ST8SIA6: variants seen among roughly 807,000 people sequenced by gnomAD.
ST8SIA6 encodes the protein alpha-2,8-sialyltransferase 8F.
A neutral mutation model predicts 33.6 loss-of-function variants in ST8SIA6; 39 were observed. The observed-to-expected ratio is 1.16, with a 90% CI of 0.90 to 1.52. The LOEUF (loss-of-function observed/expected upper bound fraction) is 1.52. ST8SIA6 is among the 40% of genes most tolerant of loss of function. The pLI, the probability that ST8SIA6 is intolerant of heterozygous loss-of-function variation, is 0.00. For missense variants in ST8SIA6, 441 were observed against 443.8 expected, an observed-to-expected ratio of 0.99 and a Z score of 0.06; for synonymous variants, 172 against 167.2, an observed-to-expected ratio of 1.03 and a Z score of -0.22.
intron 2 of ST8SIA6, among the ~76,000 whole-genome samples, chr10:17,429,296 C>G (rs533896887): frequency 6.6e-6 from 1 of 152,158 alleles, no homozygotes; most frequent in African/African-American, 2.4e-5. Flanking sequence ...AGTACTTTTT[C>G]TACCTTTTAT....
intron 2 of ST8SIA6, among the ~76,000 whole-genome samples, chr10:17,412,297 C>A (rs994363450): frequency 6.6e-6 from 1 of 152,158 alleles, no homozygotes; most frequent in African/African-American, 2.4e-5. Flanking sequence ...CACATCCTAT[C>A]CCATTGACTA....
rs1002599849 is a variant in ST8SIA6 at position 17,433,794 on chromosome 10, T to G, written c.200+19765A>C. On this transcript the variant is annotated intron_variant, in intron 2 of 7. Transcript: ENST00000377602. ...CAGTAGAGTCTCAAAACCTGTGAGA[T>G]AATGCCTGAATTATTTAGCAAGGAG... Among the ~76,000 whole-genome samples, 6 of 152,200 alleles carry G rather than the reference T, an allele frequency of 3.9e-5. No individual in the cohort carries two copies. In the South Asian group the frequency reaches 8.3e-4, roughly 21 times the overall value.
At chr10:17,438,228 G>A (rs747467532) in intron 2 of ST8SIA6, among the ~76,000 whole-genome samples, 15 of 152,206 alleles carry the variant, frequency 9.9e-5, no homozygotes, top group Non-Finnish European at 1.8e-4. Context: ...TTCCCCACTG[G>A]AGAAGAGTTA....
intron 2 of ST8SIA6, among the ~76,000 whole-genome samples, chr10:17,396,930 C>T (rs1329341174): frequency 1.3e-5 from 2 of 152,228 alleles, no homozygotes; most frequent in Non-Finnish European, 2.9e-5. Flanking sequence ...TCACTTAGTA[C>T]CTGGCTTCCA....
chr10:17,448,899 C>A (rs1462133059), intron 2 of ST8SIA6, among the ~76,000 whole-genome samples: 1 of 150,170 alleles, frequency 6.7e-6, no homozygotes, highest in Non-Finnish European at 1.5e-5. Context: ...GGATTACAGG[C>A]GTGAGCCATT....
intron 4 of ST8SIA6, among the ~76,000 whole-genome samples, chr10:17,343,776 A>G (rs947729063): frequency 1.3e-5 from 2 of 152,210 alleles, no homozygotes; most frequent in African/African-American, 4.8e-5. Context: ...AGAACGTTCT[A>G]CAGAAAGTGC....
intron 4 of ST8SIA6, among the ~76,000 whole-genome samples, chr10:17,355,052 C>T (rs993897730): frequency 9.2e-5 from 14 of 152,158 alleles, no homozygotes; most frequent in East Asian, 3.8e-4. Context: ...CAAACCCCCT[C>T]GTAGCACAAC....
Position 17,318,376 on chromosome 10 carries a change from C to A in ST8SIA6, c.*2502G>T. On this transcript the variant is annotated 3_prime_UTR_variant, in exon 8 of 8. Coordinates refer to ENST00000377602, the MANE Select transcript of ST8SIA6 (RefSeq NM_001004470.3). The stretch of plus-strand genomic sequence containing the variant: ...GACCACAGGTGCACGCCACTATGCT[C>A]AGCTAATTTTTTTGTTTTTTGTAGA... 3.5e-6 allele frequency: 1 copy of A among 282,544 alleles called. No homozygotes were observed. The highest frequency in any genetic ancestry group is 3.7e-5 in the South Asian group (1 of 26,990). The allele number at this position is 282,544 out of a possible 1,614,324, so 17.5% of individuals were successfully genotyped here. A position where few individuals can be genotyped will look rare whatever the true frequency, so the allele number is the denominator to read the frequency against.
At chr10:17,417,813 GT>G (rs917786059) in intron 2 of ST8SIA6, among the ~76,000 whole-genome samples, 2 of 152,218 alleles carry the variant, frequency 1.3e-5, no homozygotes, top group Non-Finnish European at 2.9e-5. Context: ...GAGTTAGAGA[GT>G]TGACAGGGAA....
At chr10:17,411,190 G>T (rs888730897) in intron 2 of ST8SIA6, among the ~76,000 whole-genome samples, 3 of 151,974 alleles carry the variant, frequency 2.0e-5, no homozygotes, top group Admixed American at 6.6e-5. Flanking sequence ...GTGTGTGTGT[G>T]TGTGTCTGTG....
intron 3 of ST8SIA6, 34 bp from the exon 4 acceptor site, chr10:17,359,634 A>G (rs747839309): frequency 7.5e-7 from 1 of 1,334,878 alleles, no homozygotes; most frequent in Non-Finnish European, 1.1e-6. Context: ...TTAGAAAATA[A>G]TGATCTCATA....
intron 2 of ST8SIA6, among the ~76,000 whole-genome samples, chr10:17,439,790 G>A (rs911974270): frequency 5.3e-5 from 8 of 152,182 alleles, no homozygotes; most frequent in African/African-American, 1.7e-4. Flanking sequence ...GTGAAGAAGA[G>A]GAATCACTAC....
chr10:17,387,447 CGGGG>C (rs34921425), intron 3 of ST8SIA6, among the ~76,000 whole-genome samples: 2 of 52,484 alleles, frequency 3.8e-5, no homozygotes, highest in Non-Finnish European at 6.7e-5. Context: ...GGCGGTGGGG[CGGGG>C]GGGGGGGGGT....
chr10:17,368,997 C>G lies in ST8SIA6; in HGVS notation c.291-9397G>C, dbSNP rs1020886161. On this transcript the variant is annotated intron_variant, in intron 3 of 7. Coordinates refer to ENST00000377602, the MANE Select transcript of ST8SIA6 (RefSeq NM_001004470.3). Reference sequence around the variant, plus strand: ...GATAGGCTTGTTAAGAATGCAGTATCTCAGGCCCCATCCCTGACTCACAAA... The same window carrying G: ...GATAGGCTTGTTAAGAATGCAGTATGTCAGGCCCCATCCCTGACTCACAAA... Among the ~76,000 whole-genome samples the G allele has an allele frequency of 3.9e-5, 6 of 152,294 alleles. No homozygotes were observed. The East Asian group carries it at 1.2e-3, about 29-fold the overall frequency.
chr10:17,410,796 G>A (rs1851422797), intron 2 of ST8SIA6, among the ~76,000 whole-genome samples: 1 of 152,114 alleles, frequency 6.6e-6, no homozygotes, highest in African/African-American at 2.4e-5. Flanking sequence ...CTAATTATAA[G>A]ATTTAATTAA....
intron 3 of ST8SIA6, among the ~76,000 whole-genome samples, chr10:17,365,532 C>T (rs1397691820): frequency 3.3e-5 from 5 of 152,108 alleles, no homozygotes. Flanking sequence ...TCACATCATC[C>T]TGCTCCATCC....
chr10:17,427,591 G>A (rs777178388), intron 2 of ST8SIA6, among the ~76,000 whole-genome samples: 2 of 152,238 alleles, frequency 1.3e-5, no homozygotes, highest in Non-Finnish European at 2.9e-5. Context: ...AGGAGAAGGT[G>A]ATGGGATTTC....
rs914894666 is a variant in ST8SIA6 at position 17,382,597 on chromosome 10, T to C, written c.290+7934A>G. Among the ~76,000 whole-genome samples, 9 of 152,294 alleles carry C rather than the reference T, an allele frequency of 5.9e-5. No individual in the cohort carries two copies. The East Asian group carries it at 1.2e-3, about 20-fold the overall frequency. On this transcript the variant is annotated intron_variant, in intron 3 of 7. Coordinates refer to ENST00000377602, the MANE Select transcript of ST8SIA6 (RefSeq NM_001004470.3). ...TATGCTTTTAAAGTCCTTGTTAACATTGAGTTACAGGGCTTTAACTCCTGG... is the reference window on the plus strand; with the variant it reads ...TATGCTTTTAAAGTCCTTGTTAACACTGAGTTACAGGGCTTTAACTCCTGG...
intron 2 of ST8SIA6, among the ~76,000 whole-genome samples, chr10:17,398,347 A>G (rs1850901940): frequency 1.3e-5 from 2 of 151,804 alleles, no homozygotes; most frequent in Non-Finnish European, 2.9e-5. Context: ...AAAAAAAATT[A>G]AGACTCTGAT....
Sources: gnomAD v4.1 joint callset for allele counts (sites outside exome capture counted in the v4.1 genomes callset) on GRCh38, gnomAD v4.1.1 for gene constraint, MANE v1.5 for transcripts, NCBI Gene and HGNC (gene_info 2026-07-23, HGNC 2026-07-21) for gene names.